Variants in CA12 observed in about 807,000 individuals in gnomAD.
CA12 encodes the protein carbonate dehydratase XII.
In CA12, 36 loss-of-function variants were observed where a neutral mutation model predicts 46.8. The ratio of observed to expected loss-of-function variants is 0.77; its 90% CI spans 0.59 to 1.02. The LOEUF (loss-of-function observed/expected upper bound fraction) is 1.02, where lower values mean the gene tolerates loss of function less well. Among genes scored for constraint, CA12 ranks in the 50% least tolerant of loss-of-function variants. The probability of loss-of-function intolerance (pLI) is 0.00; values close to 1 mark genes in which losing one functional copy is unlikely to be tolerated. For synonymous variants in CA12, 202 were observed against 187.0 expected (o/e 1.08, Z -0.65); for missense variants, 436 against 451.4 (o/e 0.97, Z 0.31).
chr15:63,352,866 C>T (rs895061229), intron 2 of CA12, among the ~76,000 whole-genome samples: 4 of 151,970 alleles, frequency 2.6e-5, no homozygotes, highest in Non-Finnish European at 5.9e-5. Flanking sequence ...AAATTATGTA[C>T]CAAATTTGAA....
At chr15:63,350,935 T>C (rs2152619867) in intron 2 of CA12, among the ~76,000 whole-genome samples, 1 of 152,320 alleles carries the variant, frequency 6.6e-6, no homozygotes. Flanking sequence ...TTCATATGTT[T>C]CTCTAAAACA....
chr15:63,348,746 T>C lies in CA12; in HGVS notation c.107-2037A>G, dbSNP rs1011888426. Among the ~76,000 whole-genome samples the C allele has an allele frequency of 2.6e-5, 4 of 152,224 alleles. No individual in the cohort carries two copies. The highest frequency in any genetic ancestry group is 9.6e-5 in the African/African-American group (4 of 41,452). ...TTTCATCAAGAGGGCATTTTACTGA[T>C]AGCTAAACGAGAGCCTCGTGAAGAT... On this transcript the variant is annotated intron_variant, in intron 2 of 10. Coordinates refer to ENST00000178638, the MANE Select transcript of CA12 (RefSeq NM_001218.5). This position sits in a 1 kb window ranked among gnomAD's most constrained non-coding sequence, Gnocchi z 4.6.
At chr15:63,360,120 A>C (rs2039342809) in intron 2 of CA12, among the ~76,000 whole-genome samples, 1 of 152,194 alleles carries the variant, frequency 6.6e-6, no homozygotes, top group Admixed American at 6.5e-5. Context: ...AGAAGACATG[A>C]GATGCCTGGG....
chr15:63,344,149 G>T (rs1299000173), intron 4 of CA12, among the ~76,000 whole-genome samples: 1 of 152,154 alleles, frequency 6.6e-6, no homozygotes, highest in African/African-American at 2.4e-5. Flanking sequence ...ATGCAGATTC[G>T]CTGAGCTAGA....
Position 63,330,711 on chromosome 15 carries a change from C to T in CA12, c.875-2581G>A, listed in dbSNP as rs2038927351. Among the ~76,000 whole-genome samples the T allele has an allele frequency of 6.6e-6, 1 of 152,160 alleles. No homozygotes were observed. Among genetic ancestry groups the T allele is most frequent in the Non-Finnish European group, 1.5e-5 (1 of 68,028 alleles). ...GTGGGGCTTTTCTCAGGGCACATGC[C>T]CTGCGTGGTGGCTTCTCTGGAGGGA... On this transcript the variant is annotated intron_variant, in intron 8 of 10. Coordinates refer to ENST00000178638, the MANE Select transcript of CA12 (RefSeq NM_001218.5). This position sits in a 1 kb window ranked among gnomAD's most constrained non-coding sequence, Gnocchi z 4.0.
Position 63,341,433 on chromosome 15 carries a change from C to A in CA12, c.525+569G>T, listed in dbSNP as rs952485456. The stretch of plus-strand genomic sequence containing the variant: ...ATAGGAGCACAAGCCCTATTGTGAA[C>A]TGCGCATGCAAGGGATCTAGGCTGT... On this transcript the variant is annotated intron_variant, in intron 5 of 10. Transcript: ENST00000178638. This position sits in a 1 kb window ranked among gnomAD's most constrained non-coding sequence, Gnocchi z 5.2. Among the ~76,000 whole-genome samples, 1 of 152,252 alleles carries A rather than the reference C, an allele frequency of 6.6e-6. No homozygotes were observed. The highest frequency in any genetic ancestry group is 1.5e-5 in the Non-Finnish European group (1 of 68,044).
At chr15:63,367,956 G>T (rs539468889) in intron 2 of CA12, among the ~76,000 whole-genome samples, 38 of 152,302 alleles carry the variant, frequency 2.5e-4, no homozygotes, top group African/African-American at 9.1e-4. Context: ...GTTGGAAAAA[G>T]CTATAGTTCA....
At position 63,373,394 on chromosome 15, in the gene CA12, C is replaced by T. The variant is rs2039530952; in HGVS notation, c.106+2264G>A. On this transcript the variant is annotated intron_variant, in intron 2 of 10. Coordinates refer to ENST00000178638, the MANE Select transcript of CA12 (RefSeq NM_001218.5). This position sits in a 1 kb window ranked among gnomAD's most constrained non-coding sequence, Gnocchi z 4.9. ...AAAAATTTGTCCTCCCACACCTTCACACAATGTCTCTGTTCCCTGTCGCCA... is the reference window on the plus strand; with the variant it reads ...AAAAATTTGTCCTCCCACACCTTCATACAATGTCTCTGTTCCCTGTCGCCA... Among the ~76,000 whole-genome samples, 2 of 151,796 alleles carry T rather than the reference C, an allele frequency of 1.3e-5. No individual in the cohort carries two copies. The highest frequency in any genetic ancestry group is 2.9e-5 in the Non-Finnish European group (2 of 67,970).
At position 63,328,324 on chromosome 15, in the gene CA12, T is replaced by C. The variant is rs906582652; in HGVS notation, c.875-194A>G. On this transcript the variant is annotated intron_variant, in intron 8 of 10. Transcript: ENST00000178638. This position sits in a 1 kb window ranked among gnomAD's most constrained non-coding sequence, Gnocchi z 5.9. ...TCTAGGGAATTCATACTGCAATCCC[T>C]CCTTCCGATGCTCCTTTTTTTTTTT... is the stretch of plus-strand genomic sequence containing the variant. Among the ~76,000 whole-genome samples the C allele has an allele frequency of 6.7e-6, 1 of 149,610 alleles. No homozygotes were observed. The highest frequency in any genetic ancestry group is 2.5e-5 in the African/African-American group (1 of 40,764).
chr15:63,381,368 A>G (rs2039642800), intron 1 of CA12, among the ~76,000 whole-genome samples: 1 of 152,192 alleles, frequency 6.6e-6, no homozygotes, highest in South Asian at 2.1e-4. Context: ...GCAAGTTCCC[A>G]AGCCACATCT....
chr15:63,328,001 A>G lies in CA12; in HGVS notation c.907+97T>C, dbSNP rs1379283502. 8.6e-7 allele frequency: 1 copy of G among 1,159,786 alleles called. No individual in the cohort carries two copies. The highest frequency in any genetic ancestry group is 1.5e-5 in the African/African-American group (1 of 66,194). 71.8% of individuals were successfully genotyped at this position (1,159,786 alleles called of 1,614,324 possible). ...AAGGAGAGGGCCAGGAGCCAGAGCAATAGTACAGAGAAGCAGAGAGGACGG... is the reference window on the plus strand; with the variant it reads ...AAGGAGAGGGCCAGGAGCCAGAGCAGTAGTACAGAGAAGCAGAGAGGACGG... On this transcript the variant is annotated intron_variant, in intron 9 of 10. Coordinates refer to ENST00000178638, the MANE Select transcript of CA12 (RefSeq NM_001218.5). The surrounding 1 kb of genome is among the most constrained non-coding windows in gnomAD (Gnocchi z 5.9).
rs778990151 is a variant in CA12, at chr15:63,341,323, G to A, written c.526-540C>T. 4.6e-5 allele frequency among the ~76,000 whole-genome samples: 7 copies of A among 152,210 alleles called. No individual in the cohort carries two copies. The highest frequency in any genetic ancestry group is 1.0e-4 in the Non-Finnish European group (7 of 68,034). On this transcript the variant is annotated intron_variant, in intron 5 of 10. Coordinates refer to ENST00000178638, the MANE Select transcript of CA12 (RefSeq NM_001218.5). This position sits in a 1 kb window ranked among gnomAD's most constrained non-coding sequence, Gnocchi z 5.2. Reference sequence around the variant, plus strand: ...TCTGTGGCCTGTTAGGAACTGGGCCGCACAGCAGGAGGTGAGCAGCGGGCA... The same window carrying A: ...TCTGTGGCCTGTTAGGAACTGGGCCACACAGCAGGAGGTGAGCAGCGGGCA...
At chr15:63,346,754 G>A (rs769893221) in intron 2 of CA12, 45 bp from the exon 3 acceptor site, 2 of 1,592,996 alleles carry the variant, frequency 1.3e-6, no homozygotes, top group African/African-American at 1.3e-5. Context: ...TTCTCACAAA[G>A]GGATTTTCCT....
chr15:63,326,661 TTTTA>T (rs1178712137), intron 10 of CA12, among the ~76,000 whole-genome samples: 2 of 152,030 alleles, frequency 1.3e-5, no homozygotes, highest in Non-Finnish European at 2.9e-5. Context: ...CCAGAAACCT[TTTTA>T]TTTTTCATAC....
In CA12 at chr15:63,345,476, C is replaced by T; in HGVS notation, c.429+1G>A. The T allele has an allele frequency of 6.2e-7, 1 of 1,606,356 alleles. No homozygotes were observed. The highest frequency in any genetic ancestry group is 1.1e-5 in the South Asian group (1 of 91,048). Reference sequence around the variant, plus strand: ...TCTGCCAGACTGGCAGCCCTACTTACCTCGGCGGCGAAGTGCTGTCCGCTG... The same window carrying T: ...TCTGCCAGACTGGCAGCCCTACTTATCTCGGCGGCGAAGTGCTGTCCGCTG... On this transcript the variant is annotated splice_donor_variant, in intron 4 of 10. Transcript: ENST00000178638. LOFTEE classifies it high-confidence loss of function. The surrounding 1 kb of genome is among the most constrained non-coding windows in gnomAD (Gnocchi z 4.3).
In CA12 at chr15:63,373,725, CA is replaced by C. The variant is rs1567055896; in HGVS notation, c.106+1932del. Among the ~76,000 whole-genome samples the C allele has an allele frequency of 6.6e-6, 1 of 152,144 alleles. No individual in the cohort carries two copies. Among genetic ancestry groups the C allele is most frequent in the Non-Finnish European group, 1.5e-5 (1 of 68,024 alleles). On this transcript the variant is annotated intron_variant, in intron 2 of 10. Coordinates refer to ENST00000178638, the MANE Select transcript of CA12 (RefSeq NM_001218.5). The surrounding 1 kb of genome is among the most constrained non-coding windows in gnomAD (Gnocchi z 4.9). Reference sequence around the variant, plus strand: ...CAGGTGATCCTGATGTGGGTGATCCCAAGCCGTAGTTTGAGAAACACTGGTC... The same window carrying C: ...CAGGTGATCCTGATGTGGGTGATCCCAGCCGTAGTTTGAGAAACACTGGTC...
chr15:63,375,780 C>T (rs958564943), intron 1 of CA12, 102 bp from the exon 2 acceptor site: 7 of 745,396 alleles, frequency 9.4e-6, no homozygotes, highest in Non-Finnish European at 1.6e-5. Flanking sequence ...AAAAGGAGGT[C>T]GATGCCCAGA....
rs1301470733 is a variant in CA12, at chr15:63,324,854, AG to A, written c.*1430del. 1 of 152,112 alleles carries A rather than the reference AG, an allele frequency of 6.6e-6. No homozygotes were observed. Among genetic ancestry groups the A allele is most frequent in the African/African-American group, 2.4e-5 (1 of 41,402 alleles). The allele number at this position is 152,112 out of a possible 1,614,324, so 9.4% of individuals were successfully genotyped here. Reference sequence around the variant, plus strand: ...AGTAGAAGGAAAAAGATATTTAAAAAGCTATGCTTCAAGAGGACATTTCATG... The same window carrying A: ...AGTAGAAGGAAAAAGATATTTAAAAACTATGCTTCAAGAGGACATTTCATG... On this transcript the variant is annotated 3_prime_UTR_variant, in exon 11 of 11. Transcript: ENST00000178638.
intron 2 of CA12, among the ~76,000 whole-genome samples, chr15:63,369,523 G>C (rs991204411): frequency 1.3e-5 from 2 of 152,222 alleles, no homozygotes; most frequent in Middle Eastern, 3.2e-3. Flanking sequence ...TGGAGGACTT[G>C]TTAAAACAAA....
Sources: gnomAD v4.1 joint callset for allele counts (sites outside exome capture counted in the v4.1 genomes callset) on GRCh38, gnomAD v4.1.1 for gene constraint, Gnocchi (gnomAD v3.1) non-coding constraint, MANE v1.5 for transcripts, NCBI Gene and HGNC (gene_info 2026-07-23, HGNC 2026-07-21) for gene names.